ABAT: variants seen among roughly 807,000 people sequenced by gnomAD.
ABAT encodes the protein 4-aminobutyrate aminotransferase.
ABAT carries 45 observed loss-of-function variants against 64.6 expected under a neutral mutation model. The observed-to-expected ratio is 0.70, with a 90% CI of 0.55 to 0.89. The LOEUF (loss-of-function observed/expected upper bound fraction) is 0.89, where lower values mean the gene tolerates loss of function less well. ABAT is among the 40% of genes least tolerant of loss of function. The pLI is 0.00. For missense variants in ABAT, 633 were observed against 658.4 expected, an observed-to-expected ratio of 0.96 and a Z score of 0.42; for synonymous variants, 297 against 250.5, an observed-to-expected ratio of 1.19 and a Z score of -1.75.
At position 8,783,784 on chromosome 16, in the gene ABAT, A is replaced by C. The variant is rs933876494; in HGVS notation, c.*2354A>C. On this transcript the variant is annotated 3_prime_UTR_variant, in exon 16 of 16. Transcript: ENST00000268251. ...AACCAGAAAAGTGGCTCTCTTTGGTAGGGAGAGGGGCTCCAATATTTCGTT... is the reference window on the plus strand; with the variant it reads ...AACCAGAAAAGTGGCTCTCTTTGGTCGGGAGAGGGGCTCCAATATTTCGTT... 17 of 152,330 alleles carry C rather than the reference A, an allele frequency of 1.1e-4. No individual in the cohort carries two copies. Among genetic ancestry groups the C allele is most frequent in the African/African-American group, 4.1e-4 (17 of 41,590 alleles). 9.4% of individuals were successfully genotyped at this position (152,330 alleles called of 1,614,324 possible). A position where few individuals can be genotyped will look rare whatever the true frequency, so the allele number is the denominator to read the frequency against.
chr16:8,687,220 T>C (rs1046615865), intron 1 of ABAT, among the ~76,000 whole-genome samples: 2 of 152,020 alleles, frequency 1.3e-5, no homozygotes, highest in African/African-American at 4.8e-5. Context: ...CAGGTGCTAG[T>C]CTTGGGTCCC....
intron 4 of ABAT, 86 bp downstream of exon 4, chr16:8,748,223 T>C (rs1242188106): frequency 7.7e-7 from 1 of 1,302,742 alleles, no homozygotes; most frequent in Non-Finnish European, 1.1e-6. Context: ...TTCTGGCTCT[T>C]TTTTAAAAAA....
intron 2 of ABAT, among the ~76,000 whole-genome samples, chr16:8,742,565 T>A (rs2059193123): frequency 1.3e-5 from 2 of 152,084 alleles, no homozygotes; most frequent in South Asian, 4.2e-4. Flanking sequence ...AGATAAATAG[T>A]TTAGTGTAAA....
Position 8,781,229 on chromosome 16 carries a change from C to G in ABAT, c.1382-80C>G. 5.6e-6 allele frequency: 9 copies of G among 1,600,958 alleles called. No individual in the cohort carries two copies. Among genetic ancestry groups the G allele is most frequent in the Non-Finnish European group, 7.7e-6 (9 of 1,169,634 alleles). ...TGGATGGATGGATGAGCGTTGCCAA[C>G]AGGCATCACTTTCCCCCCAGCTCTC... On this transcript the variant is annotated intron_variant, in intron 15 of 15. Transcript: ENST00000268251. This position sits in a 1 kb window ranked among gnomAD's most constrained non-coding sequence, Gnocchi z 4.5.
In ABAT at chr16:8,764,170, C is replaced by A; in HGVS notation, c.447+21C>A. 2 of 1,602,898 alleles carry A rather than the reference C, an allele frequency of 1.2e-6. No homozygotes were observed. The highest frequency in any genetic ancestry group is 1.7e-6 in the Non-Finnish European group (2 of 1,171,002). ...TCTCGGTGAGTTCTGGAGAAGCAAT[C>A]CCATTGTCTTCAGACGTGGTACTGG... On this transcript the variant is annotated intron_variant, in intron 7 of 15. Coordinates refer to ENST00000268251, the MANE Select transcript of ABAT (RefSeq NM_020686.6). This position sits in a 1 kb window ranked among gnomAD's most constrained non-coding sequence, Gnocchi z 4.2.
chr16:8,747,967 A>T, intron 3 of ABAT, 141 bp from the exon 4 acceptor site: 1 of 728,872 alleles, frequency 1.4e-6, no homozygotes, highest in African/African-American at 1.8e-5. Context: ...AAGTAATTTT[A>T]AAGTAATATG....
intron 1 of ABAT, among the ~76,000 whole-genome samples, chr16:8,680,568 G>C (rs1346587606): frequency 2.0e-5 from 3 of 152,078 alleles, no homozygotes; most frequent in African/African-American, 7.2e-5. Flanking sequence ...GATTACATGT[G>C]TGGGCCACAA....
intron 5 of ABAT, among the ~76,000 whole-genome samples, chr16:8,756,374 G>A (rs1273427): frequency 0.36 from 55,325 of 151,988 alleles, 10,202 homozygotes; most frequent in Middle Eastern, 0.49. Flanking sequence ...ATTAATTAAC[G>A]TCAAACATTT....
Position 8,737,949 on chromosome 16 carries a change from AAAGGAAGG to A in ABAT, c.70+2174_70+2181del, listed in dbSNP as rs1294236988. Among the ~76,000 whole-genome samples the A allele has an allele frequency of 1.7e-4, 4 of 23,700 alleles. 1 individual carries two copies. Among genetic ancestry groups the A allele is most frequent in the African/African-American group, 5.9e-4 (4 of 6,746 alleles). The allele number at this position is 23,700 out of a possible 152,430, so 15.5% of individuals were successfully genotyped here. A position where few individuals can be genotyped will look rare whatever the true frequency, so the allele number is the denominator to read the frequency against. ...AAAAAAAAAAAGAAAGGAAAGGAAG[AAAGGAAGG>A]AAGGAAGGAAGGAAGGAAGGAAGGA... On this transcript the variant is annotated intron_variant, in intron 2 of 15. Transcript: ENST00000268251.
intron 2 of ABAT, among the ~76,000 whole-genome samples, chr16:8,743,235 T>G (rs916293198): frequency 1.3e-5 from 2 of 151,174 alleles, no homozygotes; most frequent in African/African-American, 4.9e-5. Context: ...CCAAAGCAAT[T>G]ATGGAAAATT....
intron 1 of ABAT, among the ~76,000 whole-genome samples, chr16:8,681,868 G>A (rs372133502): frequency 1.3e-5 from 2 of 151,186 alleles, no homozygotes; most frequent in Non-Finnish European, 1.5e-5. Context: ...TCTTGAACTT[G>A]TGACCTCAGG....
At chr16:8,770,526 CCT>C (rs1329068799) in intron 11 of ABAT, among the ~76,000 whole-genome samples, 1 of 152,108 alleles carries the variant, frequency 6.6e-6, no homozygotes, top group Non-Finnish European at 1.5e-5. Flanking sequence ...GCAGTCTCGA[CCT>C]CTCTGGGCTC....
Position 8,754,190 on chromosome 16 carries a change from A to ATAAAT in ABAT, c.317-3567_317-3566insTAAAT, listed in dbSNP as rs1567304992. On this transcript the variant is annotated intron_variant, in intron 5 of 15. Transcript: ENST00000268251. ...TGAAACCCTGTCTATAAAAAAAAAA[A>ATAAAT]AAAAAAAAAAAAAAATTAGCCGGGC... is the stretch of plus-strand genomic sequence containing the variant. Among the ~76,000 whole-genome samples the ATAAAT allele has an allele frequency of 1.9e-3, 280 of 147,212 alleles. 9 individuals are homozygous for ATAAAT. Among genetic ancestry groups the ATAAAT allele is most frequent in the African/African-American group, 6.7e-3 (272 of 40,572 alleles).
chr16:8,693,162 G>T (rs2057625020), intron 1 of ABAT, among the ~76,000 whole-genome samples: 1 of 152,108 alleles, frequency 6.6e-6, no homozygotes, highest in Non-Finnish European at 1.5e-5. Flanking sequence ...GCCTCCATGT[G>T]TAACTTTTGA....
chr16:8,746,748 A>C (rs1362378530), intron 3 of ABAT, among the ~76,000 whole-genome samples: 1 of 152,032 alleles, frequency 6.6e-6, no homozygotes, highest in Non-Finnish European at 1.5e-5. Flanking sequence ...CGAGGGCATC[A>C]CAGAGGAGAT....
chr16:8,752,260 A>G (rs933211889), intron 5 of ABAT, among the ~76,000 whole-genome samples: 2 of 152,198 alleles, frequency 1.3e-5, no homozygotes, highest in Non-Finnish European at 2.9e-5. Context: ...GGCATTTTGG[A>G]GACAAGAATT....
intron 13 of ABAT, among the ~76,000 whole-genome samples, chr16:8,775,559 C>G (rs1256017662): frequency 7.2e-5 from 2 of 27,930 alleles, no homozygotes; most frequent in Non-Finnish European, 8.8e-5. Flanking sequence ...TGTGTGCATA[C>G]AGATTTACAC....
intron 15 of ABAT, chr16:8,780,825 T>G: frequency 7.9e-6 from 2 of 252,588 alleles, no homozygotes; most frequent in South Asian, 5.2e-5. Flanking sequence ...GCTGTAACTG[T>G]GAAGTCACCC....
At chr16:8,724,484 C>T (rs2058476000) in intron 1 of ABAT, among the ~76,000 whole-genome samples, 1 of 152,118 alleles carries the variant, frequency 6.6e-6, no homozygotes, top group South Asian at 2.1e-4. Context: ...GTAATCCCAG[C>T]ACTTTGGGAG....
Sources: allele counts gnomAD v4.1 joint callset (sites outside exome capture counted in the v4.1 genomes callset), GRCh38; gene constraint gnomAD v4.1.1; non-coding constraint Gnocchi (gnomAD v3.1); transcripts MANE v1.5; gene names NCBI Gene and HGNC (gene_info 2026-07-23, HGNC 2026-07-21).